Variants in FRAS1 observed in about 807,000 individuals in gnomAD.
FRAS1 encodes extracellular matrix organizing protein FRAS1.
FRAS1 carries 290 observed loss-of-function variants against 435.2 expected under a neutral mutation model. The observed-to-expected ratio is 0.67, with a 90% CI of 0.61 to 0.73. FRAS1 has a LOEUF of 0.73. Ranked by LOEUF, FRAS1 falls within the 30% of genes least tolerant of loss-of-function variation. The pLI is 0.00. For synonymous variants in FRAS1, 1,800 were observed against 1,851.0 expected (o/e 0.97, Z 0.71); for missense variants, 4,860 against 5,001.5 (o/e 0.97, Z 0.85).
chr4:78,321,649 G>C (rs1729510351), intron 18 of FRAS1, among the ~76,000 whole-genome samples: 1 of 152,028 alleles, frequency 6.6e-6, no homozygotes, highest in Non-Finnish European at 1.5e-5. Context: ...TTCGACACCA[G>C]CTTGGCCAAC....
chr4:78,073,091 G>T (rs560911704), intron 2 of FRAS1, among the ~76,000 whole-genome samples: 2 of 152,258 alleles, frequency 1.3e-5, no homozygotes, highest in South Asian at 2.1e-4. Context: ...GAGTAACTTT[G>T]TACCTTTAAG....
At chr4:78,294,257 A>C (rs1262504155) in intron 14 of FRAS1, among the ~76,000 whole-genome samples, 1 of 152,164 alleles carries the variant, frequency 6.6e-6, no homozygotes, top group East Asian at 1.9e-4. Flanking sequence ...TCTCCCCATC[A>C]AAAGGTTGTT....
chr4:78,090,242 C>T (rs976094966), intron 2 of FRAS1, among the ~76,000 whole-genome samples: 6 of 152,102 alleles, frequency 3.9e-5, no homozygotes, highest in African/African-American at 1.4e-4. Flanking sequence ...GAGGCATGAG[C>T]CATCAAGTTC....
rs918290572 is a variant in FRAS1, at chr4:78,377,827, C to T, written c.3293-1899C>T. On this transcript the variant is annotated intron_variant, in intron 26 of 73. Transcript: ENST00000512123. ...CTGAGTTTGTAAAATTCCCGAGGTC[C>T]TACCCAAGAACATCCAAGTCAGAAG... is the stretch of plus-strand genomic sequence containing the variant. Among the ~76,000 whole-genome samples the T allele has an allele frequency of 6.6e-5, 10 of 152,156 alleles. 1 individual carries two copies. The highest frequency in any genetic ancestry group is 2.2e-4 in the African/African-American group (9 of 41,422).
intron 2 of FRAS1, among the ~76,000 whole-genome samples, chr4:78,100,615 C>T (rs985009366): frequency 1.4e-4 from 21 of 152,340 alleles, no homozygotes; most frequent in African/African-American, 5.1e-4. Context: ...CTCAGAAGGG[C>T]CCTGCCTTTG....
At chr4:78,491,453 C>A (rs59347621) in intron 59 of FRAS1, among the ~76,000 whole-genome samples, 30,373 of 152,132 alleles carry the variant, frequency 0.2, 3,301 homozygotes, top group African/African-American at 0.26. Flanking sequence ...AGTTTATCCA[C>A]CACGATCAAG....
chr4:78,058,805 T>A, intron 1 of FRAS1, among the ~76,000 whole-genome samples: 1 of 152,224 alleles, frequency 6.6e-6, no homozygotes, highest in Non-Finnish European at 1.5e-5. Context: ...TGAGACTAGT[T>A]GTCGCCATGA....
intron 38 of FRAS1, among the ~76,000 whole-genome samples, chr4:78,436,826 A>C (rs1734447614): frequency 6.6e-6 from 1 of 152,194 alleles, no homozygotes; most frequent in Non-Finnish European, 1.5e-5. Flanking sequence ...AAGAAACAAG[A>C]TTTAGGGTGA....
In FRAS1 at chr4:78,483,197, G is replaced by A. The variant is rs554548732; in HGVS notation, c.8752+662G>A. Among the ~76,000 whole-genome samples the A allele has an allele frequency of 1.2e-4, 18 of 152,324 alleles. No individual in the cohort carries two copies. In the East Asian group the frequency reaches 1.7e-3, roughly 15 times the overall value. On this transcript the variant is annotated intron_variant, in intron 58 of 73. Transcript: ENST00000512123. ...CTATAAGCAAAGGGTAGCAGTGGAT[G>A]CTTATAAGCAGAGGAGTGATGTGCT...
At chr4:78,236,463 T>C (rs193120416) in intron 2 of FRAS1, among the ~76,000 whole-genome samples, 6 of 152,260 alleles carry the variant, frequency 3.9e-5, no homozygotes, top group Admixed American at 3.9e-4. Flanking sequence ...GAGAATAACA[T>C]GGACAGCACT....
intron 9 of FRAS1, 68 bp from the exon 10 acceptor site, chr4:78,278,587 T>C: frequency 2.2e-6 from 2 of 892,126 alleles, no homozygotes; most frequent in African/African-American, 3.3e-5. Flanking sequence ...CCCAACTGCT[T>C]CTCAATTTAG....
chr4:78,275,007 G>A (rs1726921144), intron 9 of FRAS1, among the ~76,000 whole-genome samples: 1 of 152,128 alleles, frequency 6.6e-6, no homozygotes, highest in South Asian at 2.1e-4. Context: ...CCTGTATTGG[G>A]TTCATATATA....
chr4:78,288,434 G>A (rs1441015666), intron 14 of FRAS1, among the ~76,000 whole-genome samples: 3 of 152,134 alleles, frequency 2.0e-5, no homozygotes, highest in African/African-American at 7.2e-5. Context: ...TGGGGGGAGG[G>A]CATTTTCCTT....
intron 22 of FRAS1, among the ~76,000 whole-genome samples, chr4:78,368,025 C>T (rs1266103456): frequency 6.6e-6 from 1 of 152,022 alleles, no homozygotes; most frequent in Admixed American, 6.6e-5. Flanking sequence ...TTTTCAACCA[C>T]CTTCAAATCC....
intron 15 of FRAS1, among the ~76,000 whole-genome samples, chr4:78,313,677 T>C (rs1729125476): frequency 6.6e-6 from 1 of 152,190 alleles, no homozygotes; most frequent in Non-Finnish European, 1.5e-5. Flanking sequence ...TGCATCCCTC[T>C]TTTCTCTTAG....
At chr4:78,382,799 T>G (rs1347565779) in intron 27 of FRAS1, among the ~76,000 whole-genome samples, 2 of 152,216 alleles carry the variant, frequency 1.3e-5, no homozygotes, top group Admixed American at 1.3e-4. Flanking sequence ...AAAAGTCTTT[T>G]TATAGTTGCT....
chr4:78,186,609 C>T (rs1157710646), intron 2 of FRAS1, among the ~76,000 whole-genome samples: 2 of 152,084 alleles, frequency 1.3e-5, no homozygotes, highest in Non-Finnish European at 2.9e-5. Context: ...CAGACCACAG[C>T]AGGAATATGC....
chr4:78,224,367 C>T (rs1295627284), intron 2 of FRAS1, among the ~76,000 whole-genome samples: 4 of 152,132 alleles, frequency 2.6e-5, no homozygotes, highest in African/African-American at 9.7e-5. Flanking sequence ...GTAATAACTA[C>T]TTCATAGTAT....
chr4:78,421,740 G>C, intron 33 of FRAS1, 123 bp from the exon 34 acceptor site: 1 of 1,129,406 alleles, frequency 8.9e-7, no homozygotes, highest in Non-Finnish European at 1.3e-6. Context: ...AGCAACCTGA[G>C]AACAGTCAGT....
Sources: gnomAD v4.1 joint callset for allele counts (sites outside exome capture counted in the v4.1 genomes callset) on GRCh38, gnomAD v4.1.1 for gene constraint, MANE v1.5 for transcripts, NCBI Gene and HGNC (gene_info 2026-07-23, HGNC 2026-07-21) for gene names.